AFG2A: variants seen among roughly 807,000 people sequenced by gnomAD.
AFG2A encodes the protein ATPase family gene 2 protein homolog A.
the AFG2A span, among the ~76,000 whole-genome samples, chr4:123,055,316 A>G: frequency 6.6e-6 from 1 of 152,194 alleles, no homozygotes; most frequent in Non-Finnish European, 1.5e-5. Flanking sequence ...TGTGAAATAA[A>G]TCAACTGAGG....
the AFG2A span, among the ~76,000 whole-genome samples, chr4:123,204,855 A>G: frequency 9.9e-5 from 15 of 152,198 alleles, no homozygotes; most frequent in South Asian, 2.1e-4. Flanking sequence ...CCCAGTTTGC[A>G]AGAGGCACGT....
At chr4:122,970,294 G>T in the AFG2A span, among the ~76,000 whole-genome samples, 1 of 152,016 alleles carries the variant, frequency 6.6e-6, no homozygotes, top group Non-Finnish European at 1.5e-5. Context: ...ATGGTACTGA[G>T]TATAGTAACA....
the AFG2A span, among the ~76,000 whole-genome samples, chr4:123,030,541 A>G: frequency 5.3e-5 from 8 of 152,330 alleles, no homozygotes; most frequent in East Asian, 1.3e-3. Flanking sequence ...AAGCCACATG[A>G]TGTTAACAAA....
the AFG2A span, among the ~76,000 whole-genome samples, chr4:123,282,562 A>G: frequency 6.6e-6 from 1 of 152,160 alleles, no homozygotes; most frequent in African/African-American, 2.4e-5. Flanking sequence ...TTTTACAACT[A>G]TTTTTGGATA....
At chr4:123,033,701 G>A in the AFG2A span, among the ~76,000 whole-genome samples, 10 of 152,248 alleles carry the variant, frequency 6.6e-5, no homozygotes, top group African/African-American at 1.4e-4. Context: ...AGTATGTCAC[G>A]ATGAAAAGAA....
At chr4:123,117,785 A>G in the AFG2A span, among the ~76,000 whole-genome samples, 1 of 152,008 alleles carries the variant, frequency 6.6e-6, no homozygotes. Context: ...ATGTTTAAGA[A>G]GGTGTCTCTT....
the AFG2A span, among the ~76,000 whole-genome samples, chr4:123,042,268 GTCT>G: frequency 6.6e-6 from 1 of 152,146 alleles, no homozygotes; most frequent in Non-Finnish European, 1.5e-5. Flanking sequence ...CAGATGTGGT[GTCT>G]TCTTAGGGTT....
the AFG2A span, among the ~76,000 whole-genome samples, chr4:123,209,333 T>G: frequency 6.6e-6 from 1 of 152,156 alleles, no homozygotes; most frequent in African/African-American, 2.4e-5. Context: ...GAATGATTAC[T>G]TGGTAGTAGG....
the AFG2A span, among the ~76,000 whole-genome samples, chr4:123,247,021 T>G: frequency 3.3e-5 from 5 of 152,344 alleles, no homozygotes; most frequent in South Asian, 4.1e-4. Context: ...TTCCATTTTC[T>G]GACCCATTTG....
the AFG2A span, among the ~76,000 whole-genome samples, chr4:123,059,361 T>A: frequency 1.7e-4 from 24 of 138,240 alleles, no homozygotes; most frequent in Non-Finnish European, 2.6e-4. Flanking sequence ...TGTCCATGTG[T>A]TCTCATTGTT....
chr4:123,170,671 C>T, the AFG2A span, among the ~76,000 whole-genome samples: 1 of 151,976 alleles, frequency 6.6e-6, no homozygotes, highest in African/African-American at 2.4e-5. Flanking sequence ...TTGGTGACAT[C>T]GTATTAATAT....
the AFG2A span, among the ~76,000 whole-genome samples, chr4:123,200,793 G>A: frequency 6.6e-6 from 1 of 152,194 alleles, no homozygotes; most frequent in East Asian, 1.9e-4. Context: ...CAAGATGTCA[G>A]TTACCTTCAA....
chr4:123,177,468 C>T, the AFG2A span, among the ~76,000 whole-genome samples: 11 of 152,164 alleles, frequency 7.2e-5, no homozygotes, highest in South Asian at 2.3e-3. Context: ...ACCTTGGCCT[C>T]CCAAAGTGCT....
the AFG2A span, among the ~76,000 whole-genome samples, chr4:122,935,089 A>C: frequency 2.0e-5 from 3 of 152,188 alleles, no homozygotes; most frequent in Non-Finnish European, 4.4e-5. Context: ...AGGAAATGTA[A>C]CTGTGTACCC....
At chr4:123,225,101 C>A in the AFG2A span, among the ~76,000 whole-genome samples, 3 of 151,040 alleles carry the variant, frequency 2.0e-5, no homozygotes, top group East Asian at 6.0e-4. Flanking sequence ...ATTGTAAATT[C>A]TGGATATTAG....
At chr4:123,222,515 AT>A in the AFG2A span, among the ~76,000 whole-genome samples, 17 of 152,124 alleles carry the variant, frequency 1.1e-4, no homozygotes, top group Non-Finnish European at 1.9e-4. Flanking sequence ...AAAGAGGAAA[AT>A]TTTTTTAGTT....
the AFG2A span, among the ~76,000 whole-genome samples, chr4:123,051,934 A>G: frequency 6.6e-6 from 1 of 152,028 alleles, no homozygotes; most frequent in Non-Finnish European, 1.5e-5. Flanking sequence ...GGAGAGGGAA[A>G]GTTGAGCCTG....
At chr4:123,076,315 A>G in the AFG2A span, among the ~76,000 whole-genome samples, 2 of 152,064 alleles carry the variant, frequency 1.3e-5, no homozygotes, top group East Asian at 3.9e-4. Context: ...CCTGTGATTT[A>G]AAACAAATTC....
chr4:123,219,207 G>C, the AFG2A span, among the ~76,000 whole-genome samples: 3 of 152,194 alleles, frequency 2.0e-5, no homozygotes, highest in Admixed American at 6.5e-5. Flanking sequence ...CAGTCCAAAG[G>C]CTGGATAACC....
Sources: allele counts gnomAD v4.1 joint callset (sites outside exome capture counted in the v4.1 genomes callset), GRCh38; gene constraint gnomAD v4.1.1; transcripts MANE v1.5; gene names NCBI Gene and HGNC (gene_info 2026-07-23, HGNC 2026-07-21).